Variants in STAU2 observed in about 807,000 individuals in gnomAD.
The protein encoded by STAU2 is staufen double-stranded RNA binding protein 2.
In STAU2, 20 loss-of-function variants were observed where a neutral mutation model predicts 65.9. The observed-to-expected ratio is 0.30, with a 90% CI of 0.21 to 0.44. STAU2 has a LOEUF of 0.44. Ranked by LOEUF, STAU2 falls within the 20% of genes least tolerant of loss-of-function variation. STAU2 has a pLI of 1.00. For synonymous variants in STAU2, 232 were observed against 233.9 expected, an observed-to-expected ratio of 0.99 and a Z score of 0.07; for missense variants, 558 against 683.9, an observed-to-expected ratio of 0.82 and a Z score of 2.05.
chr8:73,608,979 C>CA (rs1000650937), intron 9 of STAU2, among the ~76,000 whole-genome samples: 8 of 149,960 alleles, frequency 5.3e-5, no homozygotes, highest in African/African-American at 2.0e-4. Flanking sequence ...ACTCCATCTT[C>CA]AAAAAAAAAG....
chr8:73,434,493 G>T (rs1817553346), intron 13 of STAU2, among the ~76,000 whole-genome samples: 1 of 151,838 alleles, frequency 6.6e-6, no homozygotes, highest in Non-Finnish European at 1.5e-5. Flanking sequence ...GAGAGGGCTT[G>T]GCATGTGGAG....
rs964144376 is a variant in STAU2 at position 73,600,180 on chromosome 8, T to C, written c.1029+3546A>G. On this transcript the variant is annotated intron_variant, in intron 10 of 14. Transcript: ENST00000524300. Reference sequence around the variant, plus strand: ...AAACATAAACAATGTACAAATGATATAAAAAAGGTGCTGTACTCTCTTTTA... The same window carrying C: ...AAACATAAACAATGTACAAATGATACAAAAAAGGTGCTGTACTCTCTTTTA... 2.0e-5 allele frequency among the ~76,000 whole-genome samples: 3 copies of C among 152,220 alleles called. No homozygotes were observed. The South Asian group carries it at 6.2e-4, about 32-fold the overall frequency.
intron 13 of STAU2, chr8:73,438,883 GT>G (rs1563591902): frequency 2.2e-6 from 1 of 453,686 alleles, no homozygotes; most frequent in Non-Finnish European, 4.4e-6. Flanking sequence ...TACCTAATGT[GT>G]GGGGAGCTTG....
In STAU2 at chr8:73,552,137, G is replaced by T; in HGVS notation, c.1405C>A (p.Leu469Ile). The T allele has an allele frequency of 1.9e-6, 3 of 1,613,948 alleles. No homozygotes were observed. Among genetic ancestry groups the T allele is most frequent in the Non-Finnish European group, 2.5e-6 (3 of 1,179,854 alleles). ...GCTGTAGAAGATGTTCCATTCATAA[G>T]GAGTTCCCTGGCAATTGTAGCTGAA... ...NSSATIAREL[L>I]MNGTSSTAEA... Residue 469 changes from leucine (L) to isoleucine (I), a missense_variant, in exon 13 of 15, where the codon CTT (leucine) becomes ATT (isoleucine). Coordinates refer to ENST00000524300, the MANE Select transcript of STAU2 (RefSeq NM_001164380.2).
chr8:73,479,802 G>T (rs1820517299), intron 13 of STAU2, among the ~76,000 whole-genome samples: 1 of 151,170 alleles, frequency 6.6e-6, no homozygotes, highest in Admixed American at 6.6e-5. Flanking sequence ...CAAAGTTTCT[G>T]AAGTTTTATA....
chr8:73,688,815 T>C lies in STAU2; in HGVS notation c.115-2A>G. ...AAGACTCAGCTGCACTGAGAACATC[T>C]TAGAAAAACATAAATAGACAAAGAA... On this transcript the variant is annotated splice_acceptor_variant, in intron 4 of 14. Transcript: ENST00000524300. LOFTEE classifies it high-confidence loss of function. The C allele has an allele frequency of 6.2e-7, 1 of 1,612,054 alleles. No homozygotes were observed. The highest frequency in any genetic ancestry group is 8.5e-7 in the Non-Finnish European group (1 of 1,179,162).
intron 1 of STAU2, among the ~76,000 whole-genome samples, chr8:73,740,239 CAGAAACTGTA>C (rs781274984): frequency 5.3e-5 from 8 of 152,224 alleles, no homozygotes; most frequent in Non-Finnish European, 1.0e-4. Flanking sequence ...TTCTAACCCA[CAGAAACTGTA>C]AGATAATGTT....
intron 13 of STAU2, among the ~76,000 whole-genome samples, chr8:73,509,300 G>T (rs1376269657): frequency 2.0e-5 from 3 of 152,028 alleles, no homozygotes. Flanking sequence ...TTTTCTTTGG[G>T]TGAACTGTCT....
At chr8:73,634,468 T>C (rs79224194) in intron 6 of STAU2, among the ~76,000 whole-genome samples, 29,207 of 151,892 alleles carry the variant, frequency 0.19, 3,050 homozygotes, top group East Asian at 0.37. Context: ...GCAGAAGACA[T>C]AGTAAGCTGA....
At chr8:73,582,910 A>T in intron 11 of STAU2, 80 bp from the exon 12 acceptor site, 1 of 1,304,064 alleles carries the variant, frequency 7.7e-7, no homozygotes, top group Non-Finnish European at 1.1e-6. Context: ...CCAATTAAGC[A>T]AAGGCAAAGT....
At chr8:73,655,854 T>C (rs1484321275) in intron 6 of STAU2, among the ~76,000 whole-genome samples, 1 of 151,912 alleles carries the variant, frequency 6.6e-6, no homozygotes, top group African/African-American at 2.4e-5. Flanking sequence ...TTCACCGTGT[T>C]AGCCAGGATA....
chr8:73,486,342 C>T (rs1820908339), intron 13 of STAU2, among the ~76,000 whole-genome samples: 1 of 151,866 alleles, frequency 6.6e-6, no homozygotes, highest in African/African-American at 2.4e-5. Flanking sequence ...AAAATAAGTT[C>T]CTGTGTAATT....
intron 12 of STAU2, among the ~76,000 whole-genome samples, chr8:73,570,938 A>C (rs888546595): frequency 1.3e-5 from 2 of 152,186 alleles, no homozygotes; most frequent in Non-Finnish European, 2.9e-5. Flanking sequence ...CTCCAATTAA[A>C]AGACAGACTG....
intron 9 of STAU2, among the ~76,000 whole-genome samples, chr8:73,609,304 CTT>C (rs1024225343): frequency 5.9e-5 from 9 of 151,916 alleles, no homozygotes; most frequent in Admixed American, 2.0e-4. Flanking sequence ...GCAAAGGAAA[CTT>C]TTAGCTTTTG....
At chr8:73,687,323 ATT>A (rs1439002235) in intron 5 of STAU2, among the ~76,000 whole-genome samples, 13 of 117,704 alleles carry the variant, frequency 1.1e-4, no homozygotes, top group Admixed American at 5.7e-4. Context: ...TTATATTTAT[ATT>A]TATAAATATA....
intron 6 of STAU2, chr8:73,651,696 C>T: frequency 2.1e-6 from 1 of 468,738 alleles, no homozygotes; most frequent in Non-Finnish European, 3.9e-6. Context: ...CGTACCACCC[C>T]CCAAAGCCCA....
chr8:73,570,041 C>G (rs919504610), intron 12 of STAU2, among the ~76,000 whole-genome samples: 1 of 152,118 alleles, frequency 6.6e-6, no homozygotes, highest in Admixed American at 6.5e-5. Flanking sequence ...GATGTTCAAA[C>G]CCATTGCAAA....
intron 13 of STAU2, among the ~76,000 whole-genome samples, chr8:73,469,972 T>C (rs1182681682): frequency 2.0e-5 from 3 of 152,160 alleles, no homozygotes; most frequent in South Asian, 2.1e-4. Flanking sequence ...GACTGATCCA[T>C]CTGAAGCGAG....
At chr8:73,491,160 T>A (rs1321230729) in intron 13 of STAU2, among the ~76,000 whole-genome samples, 1 of 152,026 alleles carries the variant, frequency 6.6e-6, no homozygotes, top group Non-Finnish European at 1.5e-5. Context: ...TACTTTGCTG[T>A]TGTCACAAAT....
Sources: allele counts gnomAD v4.1 joint callset (sites outside exome capture counted in the v4.1 genomes callset), GRCh38; gene constraint gnomAD v4.1.1; transcripts MANE v1.5; gene names NCBI Gene and HGNC (gene_info 2026-07-23, HGNC 2026-07-21).